The following ATP2B2 variants were observed in gnomAD, a reference collection of about 807,000 sequenced individuals.
The protein encoded by ATP2B2 is plasma membrane calcium-transporting ATPase 2.
Under a neutral mutation model 120.0 loss-of-function variants are expected in ATP2B2, and 15 were observed. The observed-to-expected ratio is 0.12, with a 90% confidence interval of 0.08 to 0.19. The LOEUF is 0.19. ATP2B2 is among the 10% of genes least tolerant of loss of function. The probability of loss-of-function intolerance (pLI) is 1.00; values close to 1 mark genes in which losing one functional copy is unlikely to be tolerated. For missense variants in ATP2B2, 1,045 were observed against 1,719.8 expected, an observed-to-expected ratio of 0.61 and a Z score of 6.94; for synonymous variants, 694 against 700.3, an observed-to-expected ratio of 0.99 and a Z score of 0.14.
intron 2 of ATP2B2, among the ~76,000 whole-genome samples, chr3:10,603,536 C>G (rs183259760): frequency 2.0e-5 from 3 of 152,188 alleles, no homozygotes; most frequent in Non-Finnish European, 4.4e-5. Flanking sequence ...CTTAGCAAAG[C>G]CTTTGCTTCT....
chr3:10,593,899 G>A (rs2068701863), intron 2 of ATP2B2, among the ~76,000 whole-genome samples: 2 of 152,210 alleles, frequency 1.3e-5, no homozygotes, highest in Non-Finnish European at 2.9e-5. Flanking sequence ...ATCAACAAGT[G>A]GGCGGAGGAT....
intron 2 of ATP2B2, among the ~76,000 whole-genome samples, chr3:10,547,123 C>G (rs2067564748): frequency 6.6e-6 from 1 of 152,040 alleles, no homozygotes; most frequent in African/African-American, 2.4e-5. Flanking sequence ...TTGTATCGGT[C>G]TGGGGAGAGG....
At chr3:10,573,269 T>C (rs2068168906) in intron 2 of ATP2B2, among the ~76,000 whole-genome samples, 1 of 152,144 alleles carries the variant, frequency 6.6e-6, no homozygotes, top group South Asian at 2.1e-4. Flanking sequence ...AATGAATAAT[T>C]GATTGAATGT....
At chr3:10,386,809 A>G (rs1336197638) in intron 6 of ATP2B2, among the ~76,000 whole-genome samples, 1 of 152,156 alleles carries the variant, frequency 6.6e-6, no homozygotes, top group Non-Finnish European at 1.5e-5. Context: ...TTCCTTCTAC[A>G]TGAGGCTATT....
chr3:10,464,347 CA>C (rs1260388674), intron 1 of ATP2B2, among the ~76,000 whole-genome samples: 2 of 152,152 alleles, frequency 1.3e-5, no homozygotes, highest in Admixed American at 1.3e-4. Context: ...GACACAGGCC[CA>C]GGGGACCCTA....
In ATP2B2 at chr3:10,370,716, G is replaced by C. The variant is rs79945832; in HGVS notation, c.1659+1093C>G. On this transcript the variant is annotated intron_variant, in intron 12 of 22. Coordinates refer to ENST00000360273, the MANE Select transcript of ATP2B2 (RefSeq NM_001001331.4). ...GCTCCTACAAACCCAGCCTGATCGA[G>C]AAGGTTGCAGCTGGCTCAGGGGCAG... Among the ~76,000 whole-genome samples, 114 of 152,308 alleles carry C rather than the reference G, an allele frequency of 7.5e-4. 4 individuals carry two copies. In the East Asian group the frequency reaches 0.021, roughly 28 times the overall value.
chr3:10,492,090 T>C (rs192964777), intron 1 of ATP2B2, among the ~76,000 whole-genome samples: 1 of 152,352 alleles, frequency 6.6e-6, no homozygotes, highest in East Asian at 1.9e-4. Context: ...GCATGCATTA[T>C]TTTTGTAATT....
intron 1 of ATP2B2, among the ~76,000 whole-genome samples, chr3:10,683,758 G>GTATATA (rs2071440940): frequency 5.9e-5 from 2 of 33,636 alleles, no homozygotes; most frequent in African/African-American, 1.2e-4. Flanking sequence ...ATGTGTGTGT[G>GTATATA]TGTATATATA....
At chr3:10,669,166 T>C (rs911331466) in intron 1 of ATP2B2, among the ~76,000 whole-genome samples, 13 of 152,186 alleles carry the variant, frequency 8.5e-5, no homozygotes, top group African/African-American at 3.1e-4. Context: ...ATTTGCCAAA[T>C]GCTTTTCTCT....
Position 10,364,198 on chromosome 3 carries a change from G to A in ATP2B2, c.1660-4075C>T, listed in dbSNP as rs58498366. Among the ~76,000 whole-genome samples, 426 of 152,274 alleles carry A rather than the reference G, an allele frequency of 2.8e-3. 2 individuals are homozygous for A. Among genetic ancestry groups the A allele is most frequent in the African/African-American group, 9.7e-3 (405 of 41,546 alleles). On this transcript the variant is annotated intron_variant, in intron 12 of 22. Coordinates refer to ENST00000360273, the MANE Select transcript of ATP2B2 (RefSeq NM_001001331.4). ...AGCAGTCAGATTTACAGACAGAAAG[G>A]AGAATGGTGGGTGCCAGACATGGGA...
At chr3:10,637,217 A>C (rs1389956989) in intron 1 of ATP2B2, among the ~76,000 whole-genome samples, 2 of 152,228 alleles carry the variant, frequency 1.3e-5, no homozygotes, top group Non-Finnish European at 2.9e-5. Context: ...AATATCGATA[A>C]GATTACAAAA....
At chr3:10,508,221 T>C (rs994748079), upstream of ATP2B2, among the ~76,000 whole-genome samples, 2 of 152,208 alleles carry the variant, frequency 1.3e-5, no homozygotes, top group African/African-American at 4.8e-5. Flanking sequence ...GTGCAAATAT[T>C]GAACAGCAAA....
intron 3 of ATP2B2, among the ~76,000 whole-genome samples, chr3:10,514,758 G>A (rs747037224): frequency 1.3e-5 from 2 of 152,184 alleles, no homozygotes; most frequent in Non-Finnish European, 1.5e-5. Flanking sequence ...GCTCTCCAAG[G>A]AGGCCTGCCA....
At chr3:10,332,732 G>A (rs191135200) in intron 22 of ATP2B2, among the ~76,000 whole-genome samples, 6 of 152,238 alleles carry the variant, frequency 3.9e-5, no homozygotes, top group African/African-American at 1.2e-4. Flanking sequence ...GAGGGACTCC[G>A]GAGTCTGACC....
exon 2 of ATP2B2, chr3:10,619,924 T>C (rs963872646): frequency 6.6e-6 from 1 of 152,124 alleles, no homozygotes; most frequent in Admixed American, 6.5e-5. Flanking sequence ...CACCGTCTGC[T>C]TGGGGGTTCA....
Position 10,385,452 on chromosome 3 carries a change from T to C in ATP2B2, c.941-125A>G, listed in dbSNP as rs376284524. 64 of 821,460 alleles carry C rather than the reference T, an allele frequency of 7.8e-5. No homozygotes were observed. In the East Asian group the frequency reaches 1.6e-3, roughly 20 times the overall value. The allele number at this position is 821,460 out of a possible 1,614,324, so 50.9% of individuals were successfully genotyped here. A position where few individuals can be genotyped will look rare whatever the true frequency, so the allele number is the denominator to read the frequency against. ...ATTCTTAAAAAAAAAAATTATCCTT[T>C]GGAAACCAAGAAACTCAAATTTGGG... On this transcript the variant is annotated intron_variant, in intron 7 of 22. Transcript: ENST00000360273.
chr3:10,701,500 T>C (rs1362239524), intron 1 of ATP2B2, among the ~76,000 whole-genome samples: 2 of 152,224 alleles, frequency 1.3e-5, no homozygotes, highest in Admixed American at 1.3e-4. Context: ...GTTGTTTTCA[T>C]TGTGGTTGTA....
intron 3 of ATP2B2, among the ~76,000 whole-genome samples, chr3:10,528,909 T>A (rs1398194015): frequency 6.6e-6 from 1 of 152,126 alleles, no homozygotes. Flanking sequence ...TCAAGCAATG[T>A]GGGAACTGCT....
chr3:10,649,922 G>A (rs1381255838), intron 1 of ATP2B2, among the ~76,000 whole-genome samples: 3 of 152,222 alleles, frequency 2.0e-5, no homozygotes, highest in African/African-American at 7.2e-5. Context: ...CCCCAGCCAC[G>A]TGGAAGTGTA....
Sources: gnomAD v4.1 joint callset for allele counts (sites outside exome capture counted in the v4.1 genomes callset) on GRCh38, gnomAD v4.1.1 for gene constraint, MANE v1.5 for transcripts, NCBI Gene and HGNC (gene_info 2026-07-23, HGNC 2026-07-21) for gene names.